Variants in TRPV5 observed in about 807,000 individuals in gnomAD.
The protein encoded by TRPV5 is transient receptor potential cation channel subfamily V member 5.
TRPV5 carries 66 observed loss-of-function variants against 74.1 expected under a neutral mutation model. That is an observed-to-expected ratio of 0.89 (90% CI 0.73 to 1.09). The LOEUF is 1.09. TRPV5 is among the 50% of genes least tolerant of loss of function. The pLI is 0.00. For missense variants in TRPV5, 936 were observed against 930.4 expected (o/e 1.01, Z -0.08); for synonymous variants, 399 against 360.7 (o/e 1.11, Z -1.20).
In TRPV5 at chr7:142,928,879, C is replaced by A. The variant is rs1048374943; in HGVS notation, c.587-13G>T. The A allele has an allele frequency of 6.2e-7, 1 of 1,613,582 alleles. No individual in the cohort carries two copies. The highest frequency in any genetic ancestry group is 1.3e-5 in the African/African-American group (1 of 75,016). On this transcript the variant is annotated splice_polypyrimidine_tract_variant and intron_variant, in intron 5 of 14. Transcript: ENST00000265310. ...AATACTGTGTTTCCTGGGGAGGACGCAGGGTATCATGTGGCCACTGGCCTA... is the reference window on the plus strand; with the variant it reads ...AATACTGTGTTTCCTGGGGAGGACGAAGGGTATCATGTGGCCACTGGCCTA...
chr7:142,930,202 A>G lies in TRPV5; in HGVS notation c.227-22T>C, dbSNP rs766699497. ...GCTCCTGGATTGGAGTAAGACAGAG[A>G]TGTTAGACACTTTTCAGATTCCCTT... On this transcript the variant is annotated intron_variant, in intron 2 of 14. Transcript: ENST00000265310. 17 of 1,610,002 alleles carry G rather than the reference A, an allele frequency of 1.1e-5. No individual in the cohort carries two copies. In the South Asian group the frequency reaches 1.8e-4, roughly 17 times the overall value.
intron 8 of TRPV5, among the ~76,000 whole-genome samples, chr7:142,919,552 A>T (rs1006763368): frequency 6.6e-6 from 1 of 152,248 alleles, no homozygotes; most frequent in East Asian, 1.9e-4. Context: ...AACAACGCAC[A>T]GAGAAGGTAC....
At chr7:142,924,214 C>T (rs941270293) in intron 8 of TRPV5, among the ~76,000 whole-genome samples, 1 of 143,590 alleles carries the variant, frequency 7.0e-6, no homozygotes, top group Admixed American at 7.1e-5. Context: ...ACACATGACA[C>T]ACTGTATATA....
rs745990159 is a variant in TRPV5 at position 142,929,422 on chromosome 7, T to C, written c.487+6A>G. ...AACCATCCTTCAAGCCCAACCCTGCTCTCACCAAAGTAGATGAGGTTGCGG... is the reference window on the plus strand; with the variant it reads ...AACCATCCTTCAAGCCCAACCCTGCCCTCACCAAAGTAGATGAGGTTGCGG... On this transcript the variant is annotated splice_donor_region_variant and intron_variant, in intron 4 of 14. Transcript: ENST00000265310. The C allele has an allele frequency of 5.6e-6, 9 of 1,613,502 alleles. No individual in the cohort carries two copies. In the Admixed American group the frequency reaches 1.3e-4, roughly 24 times the overall value.
intron 13 of TRPV5, 147 bp from the exon 14 acceptor site, chr7:142,909,743 A>C: frequency 1.3e-6 from 1 of 774,240 alleles, no homozygotes; most frequent in Non-Finnish European, 2.1e-6. Flanking sequence ...TATTCACCCC[A>C]CAGCCTGTGC....
rs765786514 is a variant in TRPV5 at position 142,928,208 on chromosome 7, C to T, written c.789G>A (p.Arg263=). 3 of 1,614,180 alleles carry T rather than the reference C, an allele frequency of 1.9e-6. No individual in the cohort carries two copies. The highest frequency in any genetic ancestry group is 1.7e-6 in the Non-Finnish European group (2 of 1,180,036). ...TVMFQHLMQK[R]RHIQWTYGPL... ...GTCCATACGTCCACTGGATGTGCCT[C>T]CGCTTCTGCATCAGGTGCTGGAACA... The change falls in exon 7 of 15, where the codon CGG becomes CGA. Residue 263 remains arginine (R), a synonymous_variant. Coordinates refer to ENST00000265310, the MANE Select transcript of TRPV5 (RefSeq NM_019841.7).
chr7:142,929,542 C>T lies in TRPV5; in HGVS notation c.373G>A (p.Val125Ile). 1 of 1,614,152 alleles carries T rather than the reference C, an allele frequency of 6.2e-7. No homozygotes were observed. Among genetic ancestry groups the T allele is most frequent in the Middle Eastern group, 1.6e-4 (1 of 6,062 alleles). ...ACCAGGTTCACATTCTGGTTCACAA[C>T]AGCGATGTGCAGTGCAGTCTGACCT... ...FAGQTALHIA[V>I]VNQNVNLVRA... is the part of the protein sequence containing the mutation. Residue 125 changes from valine (V) to isoleucine (I), a missense_variant, in exon 4 of 15, where the codon GTT becomes ATT. By Grantham distance (29) the Val-to-Ile change is conservative (BLOSUM62 3). Transcript: ENST00000265310.
At chr7:142,914,816 C>A in intron 11 of TRPV5, 65 bp downstream of exon 11, 1 of 1,609,836 alleles carries the variant, frequency 6.2e-7, no homozygotes, top group African/African-American at 1.3e-5. Context: ...CTCCATTCTA[C>A]CTCCATCCCT....
Position 142,914,920 on chromosome 7 carries a change from T to A in TRPV5, c.1413A>T (p.Gly471=). The A allele has an allele frequency of 6.2e-7, 1 of 1,614,050 alleles. No individual in the cohort carries two copies. Among genetic ancestry groups the A allele is most frequent in the African/African-American group, 1.3e-5 (1 of 74,988 alleles). The change falls in exon 11 of 15, where the codon GGA becomes GGT. Residue 471 remains glycine, a synonymous_variant. Transcript: ENST00000265310. ...TGGTGAAGGGACCCAGCATCTGGAA[T>A]CCTCGAGTGAAATACATGACACTGC... The part of the protein sequence containing the change: ...GWCSVMYFTR[G]FQMLGPFTIM...
rs1586224478 is a variant in TRPV5 at position 142,925,415 on chromosome 7, G to C, written c.1122+114C>G. 6.5e-6 allele frequency: 7 copies of C among 1,085,086 alleles called. No homozygotes were observed. In the East Asian group the frequency reaches 1.3e-4, roughly 19 times the overall value. 67.2% of individuals were successfully genotyped at this position (1,085,086 alleles called of 1,614,324 possible). A position where few individuals can be genotyped will look rare whatever the true frequency, so the allele number is the denominator to read the frequency against. On this transcript the variant is annotated intron_variant, in intron 8 of 14. Transcript: ENST00000265310. ...CTAATTTCTACCTGGGTGTTTAGGAGCCTACACCTGCTGGAACCCAGAGCG... is the reference window on the plus strand; with the variant it reads ...CTAATTTCTACCTGGGTGTTTAGGACCCTACACCTGCTGGAACCCAGAGCG...
At position 142,928,042 on chromosome 7, in the gene TRPV5, C is replaced by T. The variant is rs764578072; in HGVS notation, c.909+46G>A. On this transcript the variant is annotated intron_variant, in intron 7 of 14. Transcript: ENST00000265310. ...TAAGTGGACAGACTCTGCACAAACA[C>T]TAAATTCCCTCACATGACAGGCCTG... 4 of 1,612,264 alleles carry T rather than the reference C, an allele frequency of 2.5e-6. No individual in the cohort carries two copies. In the Admixed American group the frequency reaches 6.7e-5, roughly 27 times the overall value.
chr7:142,930,694 G>A (rs1796075142), intron 1 of TRPV5, among the ~76,000 whole-genome samples: 1 of 152,216 alleles, frequency 6.6e-6, no homozygotes, highest in Non-Finnish European at 1.5e-5. Context: ...CTCTGCTGGA[G>A]GGGAAGAGTT....
At chr7:142,925,443 G>T in intron 8 of TRPV5, 86 bp downstream of exon 8, 1 of 1,418,582 alleles carries the variant, frequency 7.0e-7, no homozygotes, top group Non-Finnish European at 9.9e-7. Context: ...CCAGAGCGTG[G>T]CATCGTCCCT....
At chr7:142,931,805 G>T (rs1470103011) in intron 1 of TRPV5, among the ~76,000 whole-genome samples, 1 of 152,102 alleles carries the variant, frequency 6.6e-6, no homozygotes. Flanking sequence ...GGGTTCAAGT[G>T]ATTCTCCTGC....
At chr7:142,916,179 C>A (rs1385517733) in intron 8 of TRPV5, among the ~76,000 whole-genome samples, 1 of 152,194 alleles carries the variant, frequency 6.6e-6, no homozygotes, top group Non-Finnish European at 1.5e-5. Context: ...CTTTATAAAT[C>A]ATAAATCACT....
intron 12 of TRPV5, 33 bp downstream of exon 12, chr7:142,914,607 G>C (rs761807116): frequency 1.9e-6 from 3 of 1,577,892 alleles, no homozygotes; most frequent in African/African-American, 2.7e-5. Flanking sequence ...AACTAGATCT[G>C]CTGATCTAGT....
chr7:142,915,031 G>A lies in TRPV5; in HGVS notation c.1302C>T (p.Ser434=). Residue 434 remains serine, a synonymous_variant, in exon 11 of 15, where the codon TCC becomes TCT. Coordinates refer to ENST00000265310, the MANE Select transcript of TRPV5 (RefSeq NM_019841.7). ...GCATCACCATGGTCACCAGCACCAG[G>A]GAGGCATAGGTGATGCTGGGGGAGC... ...PFHVIIITYA[S]LVLVTMVMRL... 3 of 1,613,970 alleles carry A rather than the reference G, an allele frequency of 1.9e-6. No individual in the cohort carries two copies. Among genetic ancestry groups the A allele is most frequent in the Non-Finnish European group, 2.5e-6 (3 of 1,179,958 alleles).
chr7:142,930,122 G>A lies in TRPV5; in HGVS notation c.285C>T (p.Ala95=). 1.2e-6 allele frequency: 2 copies of A among 1,614,206 alleles called. No homozygotes were observed. Among genetic ancestry groups the A allele is most frequent in the Non-Finnish European group, 1.7e-6 (2 of 1,180,038 alleles). Residue 95 remains alanine (A), a synonymous_variant, in exon 3 of 15, where the codon GCC becomes GCT. Coordinates refer to ENST00000265310, the MANE Select transcript of TRPV5 (RefSeq NM_019841.7). The part of the protein sequence containing the change: ...IAALYDNLEA[A]LVLMEAAPEL... ...CTGGGGCAGCCTCCATCAGCACCAA[G>A]GCCGCCTCCAAGTTGTCATAGAGGG...
At chr7:142,924,077 A>T (rs1795927138) in intron 8 of TRPV5, among the ~76,000 whole-genome samples, 1 of 151,746 alleles carries the variant, frequency 6.6e-6, no homozygotes, top group Admixed American at 6.6e-5. Context: ...TCATGTCTCC[A>T]TGCCAGGGAC....
Sources: allele counts gnomAD v4.1 joint callset (sites outside exome capture counted in the v4.1 genomes callset), GRCh38; gene constraint gnomAD v4.1.1; transcripts MANE v1.5; gene names NCBI Gene and HGNC (gene_info 2026-07-23, HGNC 2026-07-21).